Variants in GOLGA8B observed in about 807,000 individuals in gnomAD.
GOLGA8B encodes the protein golgin subfamily A member 8B.
GOLGA8B carries 1 observed loss-of-function variant against 15.6 expected under a neutral mutation model. The ratio of observed to expected loss-of-function variants is 0.06; its 90% CI spans 0.02 to 0.30. The LOEUF is 0.30. GOLGA8B is among the 10% of genes least tolerant of loss of function. The pLI is 1.00. For synonymous variants in GOLGA8B, 9 were observed against 80.3 expected (o/e 0.11, Z 4.75); for missense variants, 17 against 201.3 (o/e 0.08, Z 5.54).
At chr15:34,573,058 T>C (rs35607151) in intron 1 of GOLGA8B, among the ~76,000 whole-genome samples, 14,274 of 152,128 alleles carry the variant, frequency 0.094, 854 homozygotes, top group East Asian at 0.26. Context: ...AAGTCCAGCC[T>C]AGAGACAACA....
intron 1 of GOLGA8B, among the ~76,000 whole-genome samples, chr15:34,580,213 T>C (rs533044335): frequency 2.0e-5 from 3 of 151,920 alleles, no homozygotes; most frequent in South Asian, 2.1e-4. Flanking sequence ...GGGGATGGGG[T>C]GGGGACAACC....
At chr15:34,582,952 G>A (rs1374216269) in intron 1 of GOLGA8B, 1 of 152,256 alleles carries the variant, frequency 6.6e-6, no homozygotes, top group Non-Finnish European at 1.5e-5. Flanking sequence ...GCAGCCCCGG[G>A]GCAACAAGGT....
chr15:34,578,605 C>G (rs1368931695), intron 1 of GOLGA8B, among the ~76,000 whole-genome samples: 2 of 152,082 alleles, frequency 1.3e-5, no homozygotes, highest in Non-Finnish European at 2.9e-5. Context: ...CTCCTCGTCG[C>G]GAAGTTAAGA....
At chr15:34,572,942 C>T (rs1888961468) in intron 1 of GOLGA8B, among the ~76,000 whole-genome samples, 1 of 152,104 alleles carries the variant, frequency 6.6e-6, no homozygotes, top group African/African-American at 2.4e-5. Context: ...TGCGAGAAGG[C>T]AAAATTTTTT....
Position 34,569,656 on chromosome 15 carries a change from G to A in GOLGA8B, c.-1123+13860C>T, listed in dbSNP as rs549220971. Reference sequence around the variant, plus strand: ...CATAAACACATTGTTAGCTGGTATTGATAGCTGTTAACACCCTGAACAAAG... The same window carrying A: ...CATAAACACATTGTTAGCTGGTATTAATAGCTGTTAACACCCTGAACAAAG... On this transcript the variant is annotated intron_variant, in intron 1 of 23. Transcript: ENST00000683415. Among the ~76,000 whole-genome samples the A allele has an allele frequency of 8.6e-5, 13 of 151,952 alleles. No individual in the cohort carries two copies. In the South Asian group the frequency reaches 1.9e-3, roughly 22 times the overall value.
rs1481139225 is a variant in GOLGA8B, at chr15:34,545,195, A to G, written c.-478+183T>C. Among the ~76,000 whole-genome samples the G allele has an allele frequency of 8.1e-3, 911 of 112,852 alleles. 2 individuals carry two copies. The highest frequency in any genetic ancestry group is 0.036 in the African/African-American group (878 of 24,190). 74.0% of individuals were successfully genotyped at this position (112,852 alleles called of 152,430 possible). ...AAAGGTCACTCTTAATGCCTATCCC[A>G]GCATAGATGCAGCACCAAGTACAGT... On this transcript the variant is annotated intron_variant, in intron 6 of 23. Transcript: ENST00000683415.
At chr15:34,581,916 A>G (rs1023058179) in intron 1 of GOLGA8B, among the ~76,000 whole-genome samples, 1 of 152,106 alleles carries the variant, frequency 6.6e-6, no homozygotes, top group Non-Finnish European at 1.5e-5. Flanking sequence ...GGGCCCCCCA[A>G]CAGTACTGCT....
At position 34,527,256 on chromosome 15, in the gene GOLGA8B, C is replaced by G. The variant is rs1297946247; in HGVS notation, c.*376G>C. ...TTTATCTGAATTCTGTAATGAACAT[C>G]CATGCTGCAATAACATTAAAAAAGC... On this transcript the variant is annotated 3_prime_UTR_variant, in exon 24 of 24. Coordinates refer to ENST00000683415, the MANE Select transcript of GOLGA8B (RefSeq NM_001023567.5). The G allele has an allele frequency of 2.9e-6, 1 of 347,862 alleles. No homozygotes were observed. The allele number at this position is 347,862 out of a possible 1,614,324, so 21.5% of individuals were successfully genotyped here. A position where few individuals can be genotyped will look rare whatever the true frequency, so the allele number is the denominator to read the frequency against.
chr15:34,566,339 C>T (rs1219248833), intron 1 of GOLGA8B: 1 of 143,000 alleles, frequency 7.0e-6, no homozygotes, highest in East Asian at 1.9e-4. Context: ...TAAATTTCAT[C>T]TTTTGTGTAT....
intron 1 of GOLGA8B, among the ~76,000 whole-genome samples, chr15:34,572,819 T>C (rs1236739117): frequency 6.6e-6 from 1 of 152,224 alleles, no homozygotes; most frequent in Admixed American, 6.5e-5. Context: ...CTGTGTTATA[T>C]AGATCTATCA....
intron 1 of GOLGA8B, among the ~76,000 whole-genome samples, chr15:34,563,624 T>A (rs1212493636): frequency 1.9e-4 from 29 of 151,996 alleles, no homozygotes; most frequent in African/African-American, 6.8e-4. Context: ...CCATGGAGCC[T>A]CAGGAAAAAG....
intron 1 of GOLGA8B, among the ~76,000 whole-genome samples, chr15:34,577,970 A>G (rs1226266101): frequency 6.6e-6 from 1 of 152,196 alleles, no homozygotes; most frequent in Non-Finnish European, 1.5e-5. Flanking sequence ...AGGCAATAGG[A>G]ATTTTTGAGC....
chr15:34,574,957 T>G (rs548984621), intron 1 of GOLGA8B: 1 of 152,090 alleles, frequency 6.6e-6, no homozygotes, highest in East Asian at 1.9e-4. Context: ...CCCTGGCCTA[T>G]CGAGGCCGTG....
intron 1 of GOLGA8B, among the ~76,000 whole-genome samples, chr15:34,564,355 T>TTTAAA (rs530527773): frequency 9.5e-6 from 1 of 105,474 alleles, no homozygotes; most frequent in Non-Finnish European, 2.0e-5. Context: ...TGTAGATTCT[T>TTTAAA]AAAAAAAAAA....
At chr15:34,581,271 TTCAAC>T (rs1403329074) in intron 1 of GOLGA8B, among the ~76,000 whole-genome samples, 1 of 152,090 alleles carries the variant, frequency 6.6e-6, no homozygotes, top group Non-Finnish European at 1.5e-5. Context: ...TTCAGCCAGG[TTCAAC>T]CCCCACTCTC....
chr15:34,583,309 G>A (rs933979826), intron 1 of GOLGA8B, among the ~76,000 whole-genome samples: 4 of 152,206 alleles, frequency 2.6e-5, no homozygotes, highest in Middle Eastern at 3.4e-3. Context: ...GGATGGGCCG[G>A]TCCGAGAGGC....
At position 34,526,926 on chromosome 15, in the gene GOLGA8B, T is replaced by G. The variant is rs899347635; in HGVS notation, c.*706A>C. On this transcript the variant is annotated 3_prime_UTR_variant, in exon 24 of 24. Coordinates refer to ENST00000683415, the MANE Select transcript of GOLGA8B (RefSeq NM_001023567.5). Reference sequence around the variant, plus strand: ...AACTGCCACAGTACAGTGCTCATTCTTGGCACCGGAACAGATGAAACACAC... The same window carrying G: ...AACTGCCACAGTACAGTGCTCATTCGTGGCACCGGAACAGATGAAACACAC... 1.3e-5 allele frequency: 2 copies of G among 153,410 alleles called. No individual in the cohort carries two copies. 9.5% of individuals were successfully genotyped at this position (153,410 alleles called of 1,614,324 possible). A position where few individuals can be genotyped will look rare whatever the true frequency, so the allele number is the denominator to read the frequency against.
rs1407439239 is a variant in GOLGA8B, at chr15:34,525,682, C to A, written c.*1950G>T. The A allele has an allele frequency of 6.7e-6, 1 of 149,844 alleles. No homozygotes were observed. The highest frequency in any genetic ancestry group is 1.5e-5 in the Non-Finnish European group (1 of 67,270). 9.3% of individuals were successfully genotyped at this position (149,844 alleles called of 1,614,324 possible). ...GGTCTAATATTTTTTCTTTATTATT[C>A]TGAAACTGGGTTTATCTAATACATT... On this transcript the variant is annotated 3_prime_UTR_variant, in exon 24 of 24. Transcript: ENST00000683415.
intron 1 of GOLGA8B, chr15:34,582,790 T>C (rs1021565744): frequency 3.3e-5 from 5 of 152,164 alleles, no homozygotes; most frequent in Non-Finnish European, 7.3e-5. Context: ...GCTTGGGGAC[T>C]GGGGGCCTCG....
Sources: gnomAD v4.1 joint callset for allele counts (sites outside exome capture counted in the v4.1 genomes callset) on GRCh38, gnomAD v4.1.1 for gene constraint, MANE v1.5 for transcripts, NCBI Gene and HGNC (gene_info 2026-07-23, HGNC 2026-07-21) for gene names.